The following ANO3 variants were observed in gnomAD, a reference collection of about 807,000 sequenced individuals.
The protein encoded by ANO3 is anoctamin-3.
ANO3 carries 99 observed loss-of-function variants against 144.8 expected under a neutral mutation model. That is an observed-to-expected ratio of 0.68 (90% CI 0.58 to 0.81). ANO3 has a LOEUF of 0.81. ANO3 is among the 30% of genes least tolerant of loss of function. The pLI is 0.00. For synonymous variants in ANO3, 414 were observed against 392.6 expected (o/e 1.05, Z -0.64); for missense variants, 905 against 1,202.2 (o/e 0.75, Z 3.66).
chr11:26,317,018 A>T (rs1028724706), intron 1 of ANO3, among the ~76,000 whole-genome samples: 2 of 152,126 alleles, frequency 1.3e-5, no homozygotes, highest in East Asian at 3.9e-4. Flanking sequence ...ATCCTTATTT[A>T]TGCCTGTGGT....
intron 3 of ANO3, among the ~76,000 whole-genome samples, chr11:26,451,065 A>G (rs1858912496): frequency 6.6e-6 from 1 of 152,218 alleles, no homozygotes; most frequent in South Asian, 2.1e-4. Flanking sequence ...AACATAAAGC[A>G]TACAATTGAT....
chr11:26,235,159 C>T (rs1446579306), intron 1 of ANO3, among the ~76,000 whole-genome samples: 8 of 152,164 alleles, frequency 5.3e-5, no homozygotes, highest in African/African-American at 1.9e-4. Context: ...CAAATTCTAA[C>T]CTTTTCTGGA....
At chr11:26,563,061 TC>T (rs1850356047) in intron 14 of ANO3, 8 of 1,586,912 alleles carry the variant, frequency 5.0e-6, no homozygotes, top group Non-Finnish European at 6.9e-6. Context: ...AACATTGGCA[TC>T]CTCATTTAAT....
At chr11:26,343,937 T>C (rs1464741097) in intron 1 of ANO3, among the ~76,000 whole-genome samples, 1 of 152,224 alleles carries the variant, frequency 6.6e-6, no homozygotes, top group Non-Finnish European at 1.5e-5. Flanking sequence ...CATTCTAACA[T>C]GATTCCTACA....
At position 26,230,796 on chromosome 11, in the gene ANO3, CCAAAAAAAAAAAAAAAAAAAAAAAAAA is replaced by C. The variant is rs1455730643; in HGVS notation, c.154+41467_154+41493del. Among the ~76,000 whole-genome samples the C allele has an allele frequency of 8.9e-4, 71 of 79,484 alleles. 1 individual carries two copies. Among genetic ancestry groups the C allele is most frequent in the South Asian group, 1.7e-3 (4 of 2,396 alleles). The allele number at this position is 79,484 out of a possible 152,430, so 52.1% of individuals were successfully genotyped here. A position where few individuals can be genotyped will look rare whatever the true frequency, so the allele number is the denominator to read the frequency against. ...TGGGTGACAGAGCATGACTCCATCT[CCAAAAAAAAAAAAAAAAAAAAAAAAAA>C]AAAAAAAAAAAAAAAGTTTATCTTT... On this transcript the variant is annotated intron_variant, in intron 1 of 27. Coordinates refer to the ANO3 transcript ENST00000672621.
intron 1 of ANO3, among the ~76,000 whole-genome samples, chr11:26,257,016 C>T (rs1398667877): frequency 6.6e-6 from 1 of 151,830 alleles, no homozygotes; most frequent in Non-Finnish European, 1.5e-5. Flanking sequence ...AAAATGTGAA[C>T]AATGCAGATC....
chr11:26,606,597 CT>C (rs34594509), intron 17 of ANO3, among the ~76,000 whole-genome samples: 18 of 147,806 alleles, frequency 1.2e-4, no homozygotes, highest in Admixed American at 1.4e-4. Context: ...GCAATCCCTG[CT>C]TTTTTTTTTG....
chr11:26,320,219 T>C (rs536371176), intron 1 of ANO3, among the ~76,000 whole-genome samples: 7 of 152,236 alleles, frequency 4.6e-5, no homozygotes, highest in Non-Finnish European at 8.8e-5. Flanking sequence ...TCTTCCTCTC[T>C]CATGTTGTTA....
At chr11:26,577,088 G>T (rs1851005973) in intron 14 of ANO3, among the ~76,000 whole-genome samples, 1 of 152,114 alleles carries the variant, frequency 6.6e-6, no homozygotes, top group South Asian at 2.1e-4. Flanking sequence ...GGTGGTTAGT[G>T]ATAGGAGCCA....
intron 1 of ANO3, among the ~76,000 whole-genome samples, chr11:26,288,702 AT>A (rs1564950059): frequency 6.6e-6 from 1 of 152,120 alleles, no homozygotes; most frequent in African/African-American, 2.4e-5. Context: ...GATCTGTACC[AT>A]GCCTGAGAAA....
chr11:26,225,645 T>C (rs1387475341), intron 1 of ANO3, among the ~76,000 whole-genome samples: 2 of 152,172 alleles, frequency 1.3e-5, no homozygotes, highest in African/African-American at 4.8e-5. Context: ...CAATCATTTT[T>C]GGTAACATAT....
At chr11:26,525,475 A>T (rs1849138312) in intron 6 of ANO3, among the ~76,000 whole-genome samples, 160 bp from the exon 7 acceptor site, 1 of 152,038 alleles carries the variant, frequency 6.6e-6, no homozygotes, top group Admixed American at 6.6e-5. Context: ...TGTAAGGTTG[A>T]TATTCCTCAT....
intron 4 of ANO3, among the ~76,000 whole-genome samples, chr11:26,500,247 A>G (rs141038222): frequency 2.9e-4 from 44 of 152,106 alleles, no homozygotes; most frequent in Non-Finnish European, 5.6e-4. Context: ...TACTATTATG[A>G]ATAATGTTTT....
intron 1 of ANO3, among the ~76,000 whole-genome samples, chr11:26,359,056 T>C (rs1295734536): frequency 6.6e-6 from 1 of 152,194 alleles, no homozygotes; most frequent in Non-Finnish European, 1.5e-5. Context: ...TCAACTTTGA[T>C]TAATTATCTT....
intron 1 of ANO3, among the ~76,000 whole-genome samples, chr11:26,270,710 T>C (rs1481917223): frequency 6.6e-6 from 1 of 152,174 alleles, no homozygotes; most frequent in Non-Finnish European, 1.5e-5. Flanking sequence ...ATAAAGGAAA[T>C]GAGAAAAATA....
intron 18 of ANO3, among the ~76,000 whole-genome samples, chr11:26,628,853 T>C (rs1852676258): frequency 1.3e-5 from 2 of 152,222 alleles, no homozygotes; most frequent in Admixed American, 6.5e-5. Context: ...TTGGGATAGC[T>C]GGTGTCTTCA....
chr11:26,590,127 C>T (rs1159489889), intron 14 of ANO3, among the ~76,000 whole-genome samples: 1 of 152,128 alleles, frequency 6.6e-6, no homozygotes, highest in African/African-American at 2.4e-5. Flanking sequence ...CGTTTAGAAC[C>T]TCTCCCTGAT....
At chr11:26,299,498 T>G (rs1854168662) in intron 1 of ANO3, among the ~76,000 whole-genome samples, 1 of 152,174 alleles carries the variant, frequency 6.6e-6, no homozygotes, top group Admixed American at 6.6e-5. Flanking sequence ...AACAAATAAG[T>G]TGAGAAGAAG....
Position 26,500,580 on chromosome 11 carries a change from TG to T in ANO3, c.433-7522del, listed in dbSNP as rs1212374877. On this transcript the variant is annotated intron_variant, in intron 4 of 26. Transcript: ENST00000256737. ...GTTAAGAATCTTTGAATGTGCTTGT[TG>T]GTCATTTCTATATTTTCTTTGGAGA... Among the ~76,000 whole-genome samples, 6 of 152,150 alleles carry T rather than the reference TG, an allele frequency of 3.9e-5. No homozygotes were observed. In the East Asian group the frequency reaches 1.2e-3, roughly 29 times the overall value.
Sources: gnomAD v4.1 joint callset for allele counts (sites outside exome capture counted in the v4.1 genomes callset) on GRCh38, gnomAD v4.1.1 for gene constraint, MANE v1.5 for transcripts, NCBI Gene and HGNC (gene_info 2026-07-23, HGNC 2026-07-21) for gene names.